AIFM2: variants seen among roughly 807,000 people sequenced by gnomAD.
The protein encoded by AIFM2 is AIF family member 2, ferroptosis suppressor, also known as ferroptosis suppressor protein 1.
Under a neutral mutation model 35.7 loss-of-function variants are expected in AIFM2, and 38 were observed. That is an observed-to-expected ratio of 1.06 (90% confidence interval 0.82 to 1.39). The LOEUF (loss-of-function observed/expected upper bound fraction) is 1.39, where lower values mean the gene tolerates loss of function less well. Among genes scored for constraint, AIFM2 ranks in the 40% most tolerant of loss-of-function variants. AIFM2 has a pLI of 0.00. For synonymous variants in AIFM2, 185 were observed against 203.5 expected (o/e 0.91, Z 0.77); for missense variants, 476 against 491.2 (o/e 0.97, Z 0.29).
In AIFM2 at chr10:70,130,118, G is replaced by C. The variant is rs563754927; in HGVS notation, c.-14+2616C>G. ...GGATCGCTTGAGCCTAGGAGGTCGA[G>C]GTTGCAGTGAGGCATGATCATGCCA... On this transcript the variant is annotated intron_variant, in intron 1 of 8. Coordinates refer to ENST00000307864, the MANE Select transcript of AIFM2 (RefSeq NM_032797.6). 1.6e-4 allele frequency among the ~76,000 whole-genome samples: 25 copies of C among 152,284 alleles called. 1 individual carries two copies. The highest frequency in any genetic ancestry group is 6.0e-4 in the African/African-American group (25 of 41,552).
At chr10:70,115,515 C>G (rs1004793397) in intron 7 of AIFM2, among the ~76,000 whole-genome samples, 1 of 152,178 alleles carries the variant, frequency 6.6e-6, no homozygotes, top group African/African-American at 2.4e-5. Context: ...GCCTGTAATC[C>G]CAACTCTTTG....
At chr10:70,122,341 A>G (rs999428630) in intron 3 of AIFM2, among the ~76,000 whole-genome samples, 1 of 152,174 alleles carries the variant, frequency 6.6e-6, no homozygotes, top group Admixed American at 6.5e-5. Context: ...AATCTTTCCA[A>G]CCAGGAAACT....
At position 70,121,078 on chromosome 10, in the gene AIFM2, A is replaced by G. The variant is rs749473227; in HGVS notation, c.414+14T>C. 6.2e-7 allele frequency: 1 copy of G among 1,608,708 alleles called. No individual in the cohort carries two copies. Among genetic ancestry groups the G allele is most frequent in the Non-Finnish European group, 8.5e-7 (1 of 1,178,836 alleles). ...TCTGCCCACACTGCCCCATGCCTTC[A>G]GTGCACAGCTCACCTGCCTCACCAT... is the stretch of plus-strand genomic sequence containing the variant. On this transcript the variant is annotated intron_variant, in intron 4 of 8. Coordinates refer to ENST00000307864, the MANE Select transcript of AIFM2 (RefSeq NM_032797.6).
At chr10:70,121,298 AC>A in intron 3 of AIFM2, 87 bp from the exon 4 acceptor site, 1 of 1,400,062 alleles carries the variant, frequency 7.1e-7, no homozygotes, top group Non-Finnish European at 9.2e-7. Context: ...TCTGCATCCT[AC>A]TCCCGGCCTG....
In AIFM2 at chr10:70,116,708, G is replaced by A. The variant is rs200979202; in HGVS notation, c.683C>T (p.Thr228Met). 5.4e-5 allele frequency: 87 copies of A among 1,614,186 alleles called. No individual in the cohort carries two copies. Among genetic ancestry groups the A allele is most frequent in the African/African-American group, 4.4e-4 (33 of 75,036 alleles). ...GGTGGCCACCTCTGTGCCTTTGTCC[G>A]TCTGCACTTTGATGTACTCTCGATA... Reference protein sequence around the residue: ...NEYREYIKVQTDKGTEVATNL... With the variant: ...NEYREYIKVQMDKGTEVATNL... The change falls in exon 7 of 9, where the codon ACG becomes ATG. Residue 228 changes from threonine (T) to methionine (M), a missense_variant. Coordinates refer to ENST00000307864, the MANE Select transcript of AIFM2 (RefSeq NM_032797.6).
chr10:70,132,649 TC>T (rs1798152581), intron 1 of AIFM2, 84 bp downstream of exon 1: 2 of 152,334 alleles, frequency 1.3e-5, no homozygotes. Flanking sequence ...GAGCCAGGCC[TC>T]TAATCCGCTC....
At chr10:70,123,164 GC>G (rs2072527876) in intron 3 of AIFM2, among the ~76,000 whole-genome samples, 1 of 151,982 alleles carries the variant, frequency 6.6e-6, no homozygotes, top group Admixed American at 6.6e-5. Context: ...GATTACATGC[GC>G]CCACCACCAC....
intron 3 of AIFM2, among the ~76,000 whole-genome samples, chr10:70,121,488 A>G (rs1414702133): frequency 6.6e-6 from 1 of 152,076 alleles, no homozygotes; most frequent in African/African-American, 2.4e-5. Flanking sequence ...GCCACCCAGC[A>G]TGGCAGTGGG....
At chr10:70,123,666 C>T in intron 2 of AIFM2, 146 bp from the exon 3 acceptor site, 2 of 812,746 alleles carry the variant, frequency 2.5e-6, no homozygotes, top group Non-Finnish European at 3.9e-6. Context: ...TGGGGTACCC[C>T]TACTTCCTAA....
intron 8 of AIFM2, 31 bp from the exon 9 acceptor site, chr10:70,114,360 C>A (rs1407590543): frequency 6.2e-7 from 1 of 1,613,440 alleles, no homozygotes; most frequent in African/African-American, 1.3e-5. Context: ...ACAACCAGAA[C>A]CTCACTGAAC....
intron 5 of AIFM2, among the ~76,000 whole-genome samples, chr10:70,119,680 C>T (rs1480731940): frequency 6.6e-6 from 1 of 152,208 alleles, no homozygotes; most frequent in Non-Finnish European, 1.5e-5. Flanking sequence ...ATTAAGTTAT[C>T]CTCTATTGAT....
At chr10:70,127,675 G>T (rs2072583697) in intron 1 of AIFM2, among the ~76,000 whole-genome samples, 1 of 152,152 alleles carries the variant, frequency 6.6e-6, no homozygotes, top group South Asian at 2.1e-4. Flanking sequence ...TTGACCAAAG[G>T]AGCCAAGCCC....
chr10:70,117,821 G>A lies in AIFM2; in HGVS notation c.607C>T (p.Leu203=), dbSNP rs1158148751. 1.9e-6 allele frequency: 3 copies of A among 1,604,312 alleles called. No homozygotes were observed. The African/African-American group carries it at 4.0e-5, about 22-fold the overall frequency. Residue 203 remains leucine (L), a synonymous_variant, in exon 6 of 9, where the codon CTG becomes TTG. Coordinates refer to ENST00000307864, the MANE Select transcript of AIFM2 (RefSeq NM_032797.6). This position sits in a 1 kb window ranked among gnomAD's most constrained non-coding sequence, Gnocchi z 4.7. ...GTGAGGGTGCACGTACTCAGCAGCA[G>A]CTGCACGCCCTTCCGGAGGAGGATC... is the stretch of plus-strand genomic sequence containing the variant. ...KEILLRKGVQ[L]LLSERVSNLE...
rs1000789850 is a variant in AIFM2 at position 70,121,301 on chromosome 10, C to T, written c.295-90G>A. The T allele has an allele frequency of 2.8e-6, 4 of 1,412,850 alleles. No homozygotes were observed. The Admixed American group carries it at 1.2e-4, about 43-fold the overall frequency. 87.5% of individuals were successfully genotyped at this position (1,412,850 alleles called of 1,614,324 possible). A position where few individuals can be genotyped will look rare whatever the true frequency, so the allele number is the denominator to read the frequency against. ...CAGGCCTAGGCCTCTGCATCCTACTCCCGGCCTGCCAGCCGGGACAAACCA... is the reference window on the plus strand; with the variant it reads ...CAGGCCTAGGCCTCTGCATCCTACTTCCGGCCTGCCAGCCGGGACAAACCA... On this transcript the variant is annotated intron_variant, in intron 3 of 8. Transcript: ENST00000307864.
At chr10:70,124,327 CTGTTACGTAACAAGTT>C (rs2072543069) in intron 1 of AIFM2, among the ~76,000 whole-genome samples, 1 of 152,242 alleles carries the variant, frequency 6.6e-6, no homozygotes, top group African/African-American at 2.4e-5. Context: ...GAGGCATCCA[CTGTTACGTAACAAGTT>C]TGGATGACTC....
rs2072455867 is a variant in AIFM2 at position 70,117,903 on chromosome 10, G to A, written c.525C>T (p.Ser175=). The A allele has an allele frequency of 1.9e-6, 3 of 1,608,226 alleles. No individual in the cohort carries two copies. The highest frequency in any genetic ancestry group is 1.1e-5 in the South Asian group (1 of 90,262). Residue 175 remains serine (S), a synonymous_variant, in exon 6 of 9, where the codon TCC becomes TCT. Transcript: ENST00000307864. This position sits in a 1 kb window ranked among gnomAD's most constrained non-coding sequence, Gnocchi z 4.7. ...YPEKEVTLIH[S]QVALADKELL... ...GCTCCTTGTCAGCCAGGGCCACTTG[G>A]GAGTGAATGAGAGTGACCTGAGGAC...
chr10:70,127,825 G>A (rs2072585525), intron 1 of AIFM2, among the ~76,000 whole-genome samples: 1 of 152,228 alleles, frequency 6.6e-6, no homozygotes, highest in Non-Finnish European at 1.5e-5. Context: ...CCAGAGCAGG[G>A]CCAGGGAGGG....
chr10:70,114,464 A>G, intron 8 of AIFM2, 135 bp from the exon 9 acceptor site: 1 of 1,130,512 alleles, frequency 8.8e-7, no homozygotes, highest in South Asian at 1.4e-5. Context: ...GGTGGGTGAG[A>G]CCCTGATTTT....
chr10:70,121,648 G>T (rs2072508001), intron 3 of AIFM2, among the ~76,000 whole-genome samples: 1 of 150,706 alleles, frequency 6.6e-6, no homozygotes, highest in Non-Finnish European at 1.5e-5. Flanking sequence ...GATCAGTAGT[G>T]GCATCACATC....
Sources: allele counts gnomAD v4.1 joint callset (sites outside exome capture counted in the v4.1 genomes callset), GRCh38; gene constraint gnomAD v4.1.1; non-coding constraint Gnocchi (gnomAD v3.1); transcripts MANE v1.5; gene names NCBI Gene and HGNC (gene_info 2026-07-23, HGNC 2026-07-21).